CREBBP: variants seen among roughly 807,000 people sequenced by gnomAD.
The protein encoded by CREBBP is CREB binding lysine acetyltransferase.
CREBBP carries 19 observed loss-of-function variants against 265.0 expected under a neutral mutation model. The observed-to-expected ratio is 0.07, with a 90% CI of 0.05 to 0.11. The LOEUF (loss-of-function observed/expected upper bound fraction) is 0.11. Ranked by LOEUF, CREBBP falls within the 10% of genes least tolerant of loss-of-function variation. The probability of loss-of-function intolerance (pLI) is 1.00; values close to 1 mark genes in which losing one functional copy is unlikely to be tolerated. For missense variants in CREBBP, 2,525 were observed against 3,219.0 expected, an observed-to-expected ratio of 0.78 and a Z score of 5.22; for synonymous variants, 1,457 against 1,223.7, an observed-to-expected ratio of 1.19 and a Z score of -3.98.
intron 27 of CREBBP, 173 bp from the exon 28 acceptor site, chr16:3,736,376 A>G: frequency 1.3e-6 from 1 of 766,730 alleles, no homozygotes; most frequent in Non-Finnish European, 2.2e-6. Context: ...CCCCCACCAC[A>G]GTGCTGGAGC....
chr16:3,826,091 T>TA (rs1427119983), intron 2 of CREBBP, among the ~76,000 whole-genome samples: 1 of 152,130 alleles, frequency 6.6e-6, no homozygotes, highest in Non-Finnish European at 1.5e-5. Flanking sequence ...CATGAGCCTG[T>TA]AGTCCCAGCT....
At chr16:3,874,735 GCAGT>G (rs2055365767) in intron 1 of CREBBP, among the ~76,000 whole-genome samples, 2 of 152,216 alleles carry the variant, frequency 1.3e-5, no homozygotes, top group South Asian at 2.1e-4. Flanking sequence ...GGGAAAGTCT[GCAGT>G]CAAATTCCTC....
At chr16:3,817,411 C>CA (rs1210809383) in intron 2 of CREBBP, among the ~76,000 whole-genome samples, 1 of 152,176 alleles carries the variant, frequency 6.6e-6, no homozygotes, top group Non-Finnish European at 1.5e-5. Context: ...AGTAAGAAAA[C>CA]AAGCTCCAGG....
intron 3 of CREBBP, among the ~76,000 whole-genome samples, chr16:3,802,949 C>A (rs534739176): frequency 6.6e-6 from 1 of 152,200 alleles, no homozygotes; most frequent in African/African-American, 2.4e-5. Context: ...ACCACTTGCT[C>A]AGGTTCCCTC....
Position 3,880,037 on chromosome 16 carries a change from G to C in CREBBP, c.-121C>G, listed in dbSNP as rs2055496855. The C allele has an allele frequency of 7.4e-6, 6 of 813,866 alleles. No individual in the cohort carries two copies. Among genetic ancestry groups the C allele is most frequent in the Non-Finnish European group, 8.2e-6 (5 of 608,982 alleles). The allele number at this position is 813,866 out of a possible 1,614,324, so 50.4% of individuals were successfully genotyped here. ...AGCGAGCGCGGGCCGCGAGCGGGCG[G>C]GCGGGCGCCGAGGGAGAGGGAGGGC... On this transcript the variant is annotated 5_prime_UTR_variant, in exon 1 of 31. Coordinates refer to ENST00000262367, the MANE Select transcript of CREBBP (RefSeq NM_004380.3).
At chr16:3,866,782 T>C (rs983629806) in intron 1 of CREBBP, among the ~76,000 whole-genome samples, 10 of 152,188 alleles carry the variant, frequency 6.6e-5, no homozygotes, top group African/African-American at 1.7e-4. Flanking sequence ...TTAGCATATC[T>C]TTCTACCCCT....
rs778859685 is a variant in CREBBP, at chr16:3,728,734, T to C, written c.6313A>G (p.Thr2105Ala). The change falls in exon 31 of 31, where the codon ACA (threonine) becomes GCA (alanine). Residue 2105 changes from threonine to alanine, a missense_variant. By Grantham distance (58) the Thr-to-Ala change is moderately conservative (BLOSUM62 0). Around this residue, in one of 19 missense-constraint regions of CREBBP, gnomAD observed 473 missense variants for 459.3 expected, o/e 1.03. Transcript: ENST00000262367. This position sits in a 1 kb window ranked among gnomAD's most constrained non-coding sequence, Gnocchi z 8.7. ...QLMAAFIKQRTAKYVANQPGM... is the reference protein window; with the variant it reads ...QLMAAFIKQRAAKYVANQPGM... The stretch of plus-strand genomic sequence containing the variant: ...GGCTGATTGGCCACGTACTTGGCTG[T>C]GCGCTGTTTGATGAAAGCTGCCATT... 1.2e-6 allele frequency: 2 copies of C among 1,613,930 alleles called. No individual in the cohort carries two copies. Among genetic ancestry groups the C allele is most frequent in the South Asian group, 1.1e-5 (1 of 91,086 alleles).
Position 3,834,482 on chromosome 16 carries a change from G to A in CREBBP, c.798+15815C>T, listed in dbSNP as rs374660224. Among the ~76,000 whole-genome samples, 831 of 152,278 alleles carry A rather than the reference G, an allele frequency of 5.5e-3. 5 individuals carry two copies. The highest frequency in any genetic ancestry group is 0.011 in the East Asian group (58 of 5,184). ...CTGTGTGACTGTAACTTTACAAAAA[G>A]GCAAAACTATGGAGACAATCAGTGG... On this transcript the variant is annotated intron_variant, in intron 2 of 30. Transcript: ENST00000262367.
In CREBBP at chr16:3,876,169, G is replaced by A. The variant is rs777807402; in HGVS notation, c.85+3663C>T. On this transcript the variant is annotated intron_variant, in intron 1 of 30. Coordinates refer to ENST00000262367, the MANE Select transcript of CREBBP (RefSeq NM_004380.3). The stretch of plus-strand genomic sequence containing the variant: ...TCCTCCTGCCACAGCCTCCTGAATA[G>A]CTGGGATTACAGGATTGTACTATTA... 7.9e-5 allele frequency among the ~76,000 whole-genome samples: 12 copies of A among 151,898 alleles called. No individual in the cohort carries two copies. In the South Asian group the frequency reaches 1.9e-3, roughly 24 times the overall value.
chr16:3,819,043 C>T (rs1334427827), intron 2 of CREBBP, among the ~76,000 whole-genome samples: 6 of 152,362 alleles, frequency 3.9e-5, no homozygotes, highest in Middle Eastern at 3.4e-3. Context: ...CGCCAGTAGC[C>T]GGGACAGAGA....
At chr16:3,839,070 T>G (rs1315401228) in intron 2 of CREBBP, among the ~76,000 whole-genome samples, 1 of 152,192 alleles carries the variant, frequency 6.6e-6, no homozygotes, top group Non-Finnish European at 1.5e-5. Flanking sequence ...AAGATAGAGA[T>G]TATTATCCAT....
intron 2 of CREBBP, among the ~76,000 whole-genome samples, chr16:3,827,719 G>A (rs1050291641): frequency 5.9e-5 from 9 of 151,666 alleles, no homozygotes; most frequent in Non-Finnish European, 1.2e-4. Flanking sequence ...TAGAGACAGG[G>A]TCTCTCTGTA....
At chr16:3,779,747 T>C (rs143990266) in intron 8 of CREBBP, among the ~76,000 whole-genome samples, 187 of 152,238 alleles carry the variant, frequency 1.2e-3, no homozygotes, top group African/African-American at 4.2e-3. Flanking sequence ...CTAAAAAAAA[T>C]TTGATCAAAA....
chr16:3,841,057 G>A (rs972496674), intron 2 of CREBBP: 4 of 155,688 alleles, frequency 2.6e-5, no homozygotes, highest in African/African-American at 9.7e-5. Context: ...ATTTTATGTA[G>A]CAGGTTGAGA....
At chr16:3,822,066 A>C (rs924003872) in intron 2 of CREBBP, among the ~76,000 whole-genome samples, 18 of 152,248 alleles carry the variant, frequency 1.2e-4, no homozygotes, top group Admixed American at 2.0e-4. Flanking sequence ...CACACACACA[A>C]AAGAGTGAAT....
chr16:3,749,894 C>A (rs750727961), intron 20 of CREBBP, among the ~76,000 whole-genome samples: 31 of 152,206 alleles, frequency 2.0e-4, no homozygotes, highest in Non-Finnish European at 3.7e-4. Flanking sequence ...ATTCCACTAT[C>A]ATTTCTTTTC....
chr16:3,880,013 G>A lies in CREBBP; in HGVS notation c.-97C>T. Reference sequence around the variant, plus strand: ...GCCCTGCCGGCTGCGAGGGAGAGGAGCGAGCGCGGGCCGCGAGCGGGCGGG... The same window carrying A: ...GCCCTGCCGGCTGCGAGGGAGAGGAACGAGCGCGGGCCGCGAGCGGGCGGG... On this transcript the variant is annotated 5_prime_UTR_variant, in exon 1 of 31. Transcript: ENST00000262367. 2 of 1,062,554 alleles carry A rather than the reference G, an allele frequency of 1.9e-6. No individual in the cohort carries two copies. The highest frequency in any genetic ancestry group is 2.4e-6 in the Non-Finnish European group (2 of 818,612). The allele number at this position is 1,062,554 out of a possible 1,614,324, so 65.8% of individuals were successfully genotyped here. A position where few individuals can be genotyped will look rare whatever the true frequency, so the allele number is the denominator to read the frequency against.
chr16:3,837,408 G>C (rs953470410), intron 2 of CREBBP, among the ~76,000 whole-genome samples: 7 of 152,180 alleles, frequency 4.6e-5, no homozygotes, highest in Non-Finnish European at 1.0e-4. Context: ...CTGAGCTCAA[G>C]AGTTTACGAC....
rs192466152 is a variant in CREBBP, at chr16:3,750,788, G to A, written c.3779+938C>T. Among the ~76,000 whole-genome samples, 42 of 152,304 alleles carry A rather than the reference G, an allele frequency of 2.8e-4. 1 individual carries two copies. The highest frequency in any genetic ancestry group is 7.8e-4 in the Admixed American group (12 of 15,306). ...CCAAAAAATGGGGTTGGAGAACACT[G>A]GAATCCATTAATCTGGATTAGACTT... On this transcript the variant is annotated intron_variant, in intron 20 of 30. Coordinates refer to ENST00000262367, the MANE Select transcript of CREBBP (RefSeq NM_004380.3).
Sources: gnomAD v4.1 joint callset for allele counts (sites outside exome capture counted in the v4.1 genomes callset) on GRCh38, gnomAD v4.1.1 for gene constraint, gnomAD v4.1.1 regional missense constraint, Gnocchi (gnomAD v3.1) non-coding constraint, MANE v1.5 for transcripts, NCBI Gene and HGNC (gene_info 2026-07-23, HGNC 2026-07-21) for gene names.